RPTOR: variants seen among roughly 807,000 people sequenced by gnomAD.
The protein encoded by RPTOR is regulatory-associated protein of mTOR.
Under a neutral mutation model 169.9 loss-of-function variants are expected in RPTOR, and 21 were observed. That is an observed-to-expected ratio of 0.12 (90% CI 0.09 to 0.18). The LOEUF (loss-of-function observed/expected upper bound fraction) is 0.18. RPTOR is among the 10% of genes least tolerant of loss of function. The probability of loss-of-function intolerance (pLI) is 1.00; values close to 1 mark genes in which losing one functional copy is unlikely to be tolerated. For synonymous variants in RPTOR, 732 were observed against 753.2 expected, an observed-to-expected ratio of 0.97 and a Z score of 0.46; for missense variants, 1,133 against 1,855.9, an observed-to-expected ratio of 0.61 and a Z score of 7.16.
chr17:80,595,818 T>C lies in RPTOR; in HGVS notation c.163-29873T>C, dbSNP rs559371300. Among the ~76,000 whole-genome samples the C allele has an allele frequency of 1.9e-3, 293 of 152,188 alleles. 1 individual carries two copies. Among genetic ancestry groups the C allele is most frequent in the African/African-American group, 6.8e-3 (283 of 41,506 alleles). The stretch of plus-strand genomic sequence containing the variant: ...TCAGGGGGGTGGGGTGTGGCTTTGG[T>C]TTTGATATTTTCACTGGTACTGCCA... On this transcript the variant is annotated intron_variant, in intron 1 of 33. Coordinates refer to ENST00000306801, the MANE Select transcript of RPTOR (RefSeq NM_020761.3).
intron 20 of RPTOR, among the ~76,000 whole-genome samples, chr17:80,897,233 G>C (rs1266681883): frequency 7.7e-6 from 1 of 129,756 alleles, no homozygotes; most frequent in Admixed American, 8.1e-5. Flanking sequence ...TGGCAACAGA[G>C]CAAGACTCCA....
chr17:80,665,513 C>T (rs1332589576), intron 3 of RPTOR, among the ~76,000 whole-genome samples: 1,256 of 80,202 alleles, frequency 0.016, 462 homozygotes, highest in African/African-American at 0.12. Context: ...CATGTCCTTT[C>T]CTTTCCTTTC....
chr17:80,719,511 T>C (rs886742557), intron 4 of RPTOR, among the ~76,000 whole-genome samples: 3 of 152,184 alleles, frequency 2.0e-5, no homozygotes, highest in African/African-American at 7.2e-5. Flanking sequence ...TAAAGCCCCT[T>C]AAGGGCACAG....
At chr17:80,798,130 AGGCTGTGCCTGTCACCAAT>A (rs2067119021) in intron 7 of RPTOR, among the ~76,000 whole-genome samples, 2 of 152,232 alleles carry the variant, frequency 1.3e-5, no homozygotes, top group Admixed American at 6.5e-5. Context: ...CAGCAATTCC[AGGCTGTGCCTGTCACCAAT>A]GTGCCCCGGG....
intron 20 of RPTOR, among the ~76,000 whole-genome samples, chr17:80,899,417 T>C (rs1170886262): frequency 6.6e-6 from 1 of 152,272 alleles, no homozygotes; most frequent in Admixed American, 6.5e-5. Flanking sequence ...AAAATTTTTT[T>C]TTAAGTACTA....
intron 2 of RPTOR, among the ~76,000 whole-genome samples, chr17:80,639,903 T>C (rs187541013): frequency 5.3e-5 from 8 of 152,338 alleles, no homozygotes; most frequent in South Asian, 4.1e-4. Context: ...CCCCTTCAGG[T>C]TGGCTGAATG....
At chr17:80,573,545 A>AT (rs1478715882) in intron 1 of RPTOR, among the ~76,000 whole-genome samples, 1 of 152,226 alleles carries the variant, frequency 6.6e-6, no homozygotes, top group Non-Finnish European at 1.5e-5. Context: ...ACTTTAAAAA[A>AT]TTTAAGTTTT....
Position 80,817,357 on chromosome 17 carries a change from G to T in RPTOR, c.891-4844G>T, listed in dbSNP as rs187218601. Among the ~76,000 whole-genome samples, 14 of 152,264 alleles carry T rather than the reference G, an allele frequency of 9.2e-5. No individual in the cohort carries two copies. The East Asian group carries it at 2.5e-3, about 27-fold the overall frequency. ...GATGACCTCACAGCCCCTTGTCCTTGTCCTCTGCATGGATGGGGCCAGGGA... is the reference window on the plus strand; with the variant it reads ...GATGACCTCACAGCCCCTTGTCCTTTTCCTCTGCATGGATGGGGCCAGGGA... On this transcript the variant is annotated intron_variant, in intron 7 of 33. Transcript: ENST00000306801.
At chr17:80,680,282 G>GT (rs2065888442) in intron 3 of RPTOR, among the ~76,000 whole-genome samples, 1 of 152,186 alleles carries the variant, frequency 6.6e-6, no homozygotes, top group Non-Finnish European at 1.5e-5. Flanking sequence ...CGTTCTAACT[G>GT]GAATCCTAGA....
intron 3 of RPTOR, among the ~76,000 whole-genome samples, chr17:80,668,674 G>A (rs1458855917): frequency 1.3e-5 from 2 of 152,180 alleles, no homozygotes; most frequent in African/African-American, 2.4e-5. Flanking sequence ...GCGTCACAGG[G>A]ATCTCCTCTT....
intron 3 of RPTOR, among the ~76,000 whole-genome samples, chr17:80,645,625 T>C (rs1387636414): frequency 1.3e-5 from 2 of 152,226 alleles, no homozygotes; most frequent in Non-Finnish European, 2.9e-5. Flanking sequence ...TTGGTAGATA[T>C]CAGCTAGTTG....
chr17:80,624,392 A>G (rs1179941863), intron 1 of RPTOR, among the ~76,000 whole-genome samples: 1 of 152,234 alleles, frequency 6.6e-6, no homozygotes, highest in African/African-American at 2.4e-5. Flanking sequence ...AAAAATCCCA[A>G]TGGGATTAAA....
chr17:80,936,186 C>G lies in RPTOR; in HGVS notation c.2920-4310C>G, dbSNP rs1376381405. On this transcript the variant is annotated intron_variant, in intron 24 of 33. Transcript: ENST00000306801. The surrounding 1 kb of genome is among the most constrained non-coding windows in gnomAD (Gnocchi z 4.1). The stretch of plus-strand genomic sequence containing the variant: ...CCACTACACACCTGTTAGAATGTCT[C>G]GAATCTTAAAATCTACCAAGTGTTG... 1.3e-5 allele frequency among the ~76,000 whole-genome samples: 2 copies of G among 152,162 alleles called. No individual in the cohort carries two copies. The highest frequency in any genetic ancestry group is 1.5e-5 in the Non-Finnish European group (1 of 68,026).
chr17:80,686,850 T>C (rs553094296), intron 3 of RPTOR, among the ~76,000 whole-genome samples: 1 of 152,172 alleles, frequency 6.6e-6, no homozygotes, highest in Non-Finnish European at 1.5e-5. Context: ...GACCCTTCCA[T>C]GAAATTTATT....
intron 5 of RPTOR, among the ~76,000 whole-genome samples, chr17:80,741,396 A>G (rs569367239): frequency 6.6e-6 from 1 of 152,254 alleles, no homozygotes; most frequent in Non-Finnish European, 1.5e-5. Context: ...TGGCAAGGCA[A>G]TTGTTTGCAT....
intron 17 of RPTOR, among the ~76,000 whole-genome samples, chr17:80,886,824 G>A (rs1414420908): frequency 2.6e-5 from 4 of 152,232 alleles, no homozygotes; most frequent in African/African-American, 9.6e-5. Flanking sequence ...GCTGTCTCGG[G>A]GATGCTGGGC....
At chr17:80,905,156 G>A (rs955347785) in intron 20 of RPTOR, among the ~76,000 whole-genome samples, 5 of 149,162 alleles carry the variant, frequency 3.4e-5, no homozygotes, top group South Asian at 2.1e-4. Context: ...AGCACAGTGT[G>A]TCAACAGTGG....
chr17:80,662,955 C>T (rs945472602), intron 3 of RPTOR, among the ~76,000 whole-genome samples: 3 of 152,294 alleles, frequency 2.0e-5, no homozygotes, highest in East Asian at 1.9e-4. Context: ...TGAGGGCAGC[C>T]GCCTGTGAGG....
chr17:80,862,722 G>A (rs1161109342), intron 13 of RPTOR, among the ~76,000 whole-genome samples: 4 of 152,038 alleles, frequency 2.6e-5, no homozygotes, highest in Admixed American at 2.6e-4. Flanking sequence ...CCGGGGCTCC[G>A]CCCCCACATG....
Sources: gnomAD v4.1 joint callset for allele counts (sites outside exome capture counted in the v4.1 genomes callset) on GRCh38, gnomAD v4.1.1 for gene constraint, Gnocchi (gnomAD v3.1) non-coding constraint, MANE v1.5 for transcripts, NCBI Gene and HGNC (gene_info 2026-07-23, HGNC 2026-07-21) for gene names.